The following CD300A variants were observed in gnomAD, a reference collection of about 807,000 sequenced individuals.
CD300A encodes CMRF35-like molecule 8.
In CD300A, 22 loss-of-function variants were observed where a neutral mutation model predicts 33.6. The ratio of observed to expected loss-of-function variants is 0.66; its 90% CI spans 0.47 to 0.94. The LOEUF (loss-of-function observed/expected upper bound fraction) is 0.94, where lower values mean the gene tolerates loss of function less well. Ranked by LOEUF, CD300A falls within the 40% of genes least tolerant of loss-of-function variation. The pLI, the probability that CD300A is intolerant of heterozygous loss-of-function variation, is 0.00. For missense variants in CD300A, 326 were observed against 360.5 expected (o/e 0.90, Z 0.77); for synonymous variants, 136 against 148.1 (o/e 0.92, Z 0.59).
chr17:74,482,732 T>TCCTTCCTTCCTTCCTTCCTTCC (rs1555639394), intron 6 of CD300A, among the ~76,000 whole-genome samples: 4 of 133,038 alleles, frequency 3.0e-5, no homozygotes, highest in African/African-American at 1.5e-4. Context: ...CTTTCTTTCT[T>TCCTTCCTTCCTTCCTTCCTTCC]TGGAATCTCG....
chr17:74,472,995 T>C (rs532922001), intron 1 of CD300A, among the ~76,000 whole-genome samples: 9 of 152,042 alleles, frequency 5.9e-5, no homozygotes, highest in Non-Finnish European at 1.3e-4. Context: ...GGGCCGGTCT[T>C]CCTCTTGCAG....
intron 1 of CD300A, 144 bp from the exon 2 acceptor site, chr17:74,473,392 T>A: frequency 4.1e-6 from 3 of 729,658 alleles, no homozygotes; most frequent in Non-Finnish European, 6.9e-6. Context: ...CCTCTCATCC[T>A]CAGTCCCCGC....
At chr17:74,482,732 T>TTCGTTCTTTCTTTCTTTCTC (rs1336360956) in intron 6 of CD300A, among the ~76,000 whole-genome samples, 1 of 132,946 alleles carries the variant, frequency 7.5e-6, no homozygotes, top group African/African-American at 3.8e-5. Flanking sequence ...CTTTCTTTCT[T>TTCGTTCTTTCTTTCTTTCTC]TGGAATCTCG....
intron 2 of CD300A, 75 bp from the exon 3 acceptor site, chr17:74,474,457 A>T: frequency 6.6e-7 from 1 of 1,504,442 alleles, no homozygotes; most frequent in Non-Finnish European, 9.2e-7. Flanking sequence ...TGTGAAATCA[A>T]ACCAAAAAGG....
chr17:74,469,904 T>G (rs998859854), intron 1 of CD300A: 21 of 953,172 alleles, frequency 2.2e-5, no homozygotes, highest in Non-Finnish European at 2.6e-5. Context: ...AACTCCACTG[T>G]TTTTCTGTTT....
chr17:74,481,406 CGGCCAACGGA>C, intron 5 of CD300A, 80 bp downstream of exon 5: 1 of 1,333,590 alleles, frequency 7.5e-7, no homozygotes, highest in African/African-American at 1.4e-5. Flanking sequence ...ACAGTCCCAT[CGGCCAACGGA>C]GGTTGGATGG....
At chr17:74,479,048 C>A (rs145621431) in intron 4 of CD300A, among the ~76,000 whole-genome samples, 2 of 152,098 alleles carry the variant, frequency 1.3e-5, no homozygotes, top group African/African-American at 4.8e-5. Flanking sequence ...CCTCCTCCCC[C>A]CTTGAAAAGG....
chr17:74,482,887 T>TATA (rs1907004316), intron 6 of CD300A, among the ~76,000 whole-genome samples: 1 of 151,500 alleles, frequency 6.6e-6, no homozygotes, highest in South Asian at 2.1e-4. Flanking sequence ...TTTTTGTATT[T>TATA]TTAGTAGAGA....
chr17:74,481,073 A>G (rs982876635), intron 4 of CD300A, among the ~76,000 whole-genome samples: 9 of 152,002 alleles, frequency 5.9e-5, no homozygotes, highest in African/African-American at 2.2e-4. Context: ...CTATTTCTCC[A>G]TTTATTCACT....
chr17:74,474,598 C>T lies in CD300A; in HGVS notation c.446C>T (p.Pro149Leu). Residue 149 changes from proline to leucine, a missense_variant, in exon 3 of 7, where the codon CCA becomes CTA. Transcript: ENST00000360141. ...ACCTCAACAATCACAACTGCATTTC[C>T]ACCTGTATCATCCACTACCCTGTTT... ...AKTSTITTAF[P>L]PVSSTTLFAV... The T allele has an allele frequency of 6.2e-7, 1 of 1,614,176 alleles. No homozygotes were observed. The highest frequency in any genetic ancestry group is 8.5e-7 in the Non-Finnish European group (1 of 1,179,998).
At position 74,473,759 on chromosome 17, in the gene CD300A, G is replaced by A; in HGVS notation, c.264G>A (p.Val88=). ...GTCCTGCAAACCTCAGCTTCACAGT[G>A]ACCCTGGAGAATCTCACAGAGGAGG... ...RDSPANLSFT[V]TLENLTEEDA... The change falls in exon 2 of 7, where the codon GTG becomes GTA. Residue 88 remains valine, a synonymous_variant. Transcript: ENST00000360141. 1 of 1,614,256 alleles carries A rather than the reference G, an allele frequency of 6.2e-7. No homozygotes were observed. The highest frequency in any genetic ancestry group is 1.1e-5 in the South Asian group (1 of 91,084).
At chr17:74,478,338 C>T (rs761791448) in intron 4 of CD300A, among the ~76,000 whole-genome samples, 2 of 152,226 alleles carry the variant, frequency 1.3e-5, no homozygotes, top group African/African-American at 2.4e-5. Context: ...CAGGCATGTG[C>T]TTCAAGGAGG....
chr17:74,477,681 T>C, intron 4 of CD300A, 151 bp downstream of exon 4: 1 of 546,674 alleles, frequency 1.8e-6, no homozygotes, highest in Non-Finnish European at 3.3e-6. Flanking sequence ...ACAGGGCAGG[T>C]CCCATGGGAG....
At chr17:74,477,620 A>T in intron 4 of CD300A, 90 bp downstream of exon 4, 1 of 812,420 alleles carries the variant, frequency 1.2e-6, no homozygotes, top group Non-Finnish European at 2.1e-6. Context: ...TCCACGTCCC[A>T]CAGTATTGCT....
Position 74,466,636 on chromosome 17 carries a change from G to T in CD300A, c.-68G>T. The T allele has an allele frequency of 6.5e-7, 1 of 1,533,238 alleles. No homozygotes were observed. Among genetic ancestry groups the T allele is most frequent in the Non-Finnish European group, 8.9e-7 (1 of 1,128,830 alleles). 95.0% of individuals were successfully genotyped at this position (1,533,238 alleles called of 1,614,324 possible). A position where few individuals can be genotyped will look rare whatever the true frequency, so the allele number is the denominator to read the frequency against. On this transcript the variant is annotated 5_prime_UTR_variant, in exon 1 of 7. Transcript: ENST00000360141. ...GCAGAAGTCGGGGCCTTGGAGGCGT[G>T]ACTTTCCCCTCGGGTCCAGGTAGGG...
intron 6 of CD300A, 148 bp from the exon 7 acceptor site, chr17:74,483,853 C>A: frequency 1.3e-6 from 1 of 791,592 alleles, no homozygotes; most frequent in Non-Finnish European, 2.0e-6. Flanking sequence ...TGGACAGGAT[C>A]ATAGAGAAAA....
chr17:74,470,314 T>A, intron 1 of CD300A: 1 of 869,878 alleles, frequency 1.1e-6, no homozygotes, highest in Non-Finnish European at 1.4e-6. Flanking sequence ...CCCTCACAGG[T>A]GGAACAGAGC....
intron 1 of CD300A, among the ~76,000 whole-genome samples, chr17:74,467,199 T>C (rs1157482897): frequency 4.2e-5 from 2 of 47,964 alleles, no homozygotes; most frequent in East Asian, 5.1e-4. Flanking sequence ...CCGGCCTCAC[T>C]AGGTGCAGGG....
intron 3 of CD300A, among the ~76,000 whole-genome samples, chr17:74,476,837 T>C (rs542771853): frequency 1.3e-5 from 2 of 152,168 alleles, no homozygotes; most frequent in Non-Finnish European, 2.9e-5. Flanking sequence ...ACCTCTAAGA[T>C]GTATTGCTAA....
Sources: allele counts gnomAD v4.1 joint callset (sites outside exome capture counted in the v4.1 genomes callset), GRCh38; gene constraint gnomAD v4.1.1; transcripts MANE v1.5; gene names NCBI Gene and HGNC (gene_info 2026-07-23, HGNC 2026-07-21).